The following ZMYND8 variants were observed in gnomAD, a reference collection of about 807,000 sequenced individuals.
ZMYND8 encodes zinc finger MYND-type containing 8.
In ZMYND8, 37 loss-of-function variants were observed where a neutral mutation model predicts 140.8. The observed-to-expected ratio is 0.26, with a 90% CI of 0.20 to 0.35. The LOEUF (loss-of-function observed/expected upper bound fraction) is 0.35, where lower values mean the gene tolerates loss of function less well. Ranked by LOEUF, ZMYND8 falls within the 10% of genes least tolerant of loss-of-function variation. The pLI, the probability that ZMYND8 is intolerant of heterozygous loss-of-function variation, is 1.00. For missense variants in ZMYND8, 1,068 were observed against 1,570.0 expected (o/e 0.68, Z 5.40); for synonymous variants, 592 against 597.1 (o/e 0.99, Z 0.12).
intron 2 of ZMYND8, among the ~76,000 whole-genome samples, chr20:47,334,643 T>C (rs925370682): frequency 6.6e-6 from 1 of 150,990 alleles, no homozygotes; most frequent in African/African-American, 2.4e-5. Flanking sequence ...GCAGTCTTGC[T>C]CTGTCACCCG....
intron 2 of ZMYND8, among the ~76,000 whole-genome samples, chr20:47,311,001 C>G (rs1353617723): frequency 1.3e-5 from 2 of 152,142 alleles, no homozygotes; most frequent in African/African-American, 4.8e-5. Context: ...CTTGTCCATG[C>G]CCATGCCTGA....
At chr20:47,260,659 C>A (rs540758519) in intron 12 of ZMYND8, among the ~76,000 whole-genome samples, 8 of 152,334 alleles carry the variant, frequency 5.3e-5, no homozygotes, top group African/African-American at 1.9e-4. Context: ...ACATCTGCTT[C>A]GCAACTTGCC....
chr20:47,301,917 G>A (rs1201120361), intron 3 of ZMYND8, among the ~76,000 whole-genome samples: 1 of 152,058 alleles, frequency 6.6e-6, no homozygotes, highest in Non-Finnish European at 1.5e-5. Context: ...TGATGTTCTG[G>A]TGATAGTAAG....
At chr20:47,331,036 G>C (rs2080894650) in intron 2 of ZMYND8, among the ~76,000 whole-genome samples, 1 of 152,194 alleles carries the variant, frequency 6.6e-6, no homozygotes, top group Admixed American at 6.5e-5. Context: ...AGTCAGTGTG[G>C]CTGGAGAAGA....
At chr20:47,333,122 G>C (rs1337205991) in intron 2 of ZMYND8, among the ~76,000 whole-genome samples, 1 of 152,036 alleles carries the variant, frequency 6.6e-6, no homozygotes, top group Non-Finnish European at 1.5e-5. Flanking sequence ...TAAGGCCAGA[G>C]GATCACTTGA....
intron 11 of ZMYND8, among the ~76,000 whole-genome samples, chr20:47,268,384 C>T (rs1446753982): frequency 6.6e-6 from 1 of 151,102 alleles, no homozygotes; most frequent in Non-Finnish European, 1.5e-5. Flanking sequence ...GGCTCCGCCT[C>T]CCGGGTTCAC....
chr20:47,298,144 T>C lies in ZMYND8; in HGVS notation c.453+585A>G, dbSNP rs372544008. On this transcript the variant is annotated intron_variant, in intron 4 of 22. Transcript: ENST00000471951. This position sits in a 1 kb window ranked among gnomAD's most constrained non-coding sequence, Gnocchi z 5.0. ...AGCACTTTTCTTTTAATTCATTATA[T>C]GGAACTTTATTTATTTTGGTTTTTG... is the stretch of plus-strand genomic sequence containing the variant. 56 of 479,548 alleles carry C rather than the reference T, an allele frequency of 1.2e-4. No homozygotes were observed. The highest frequency in any genetic ancestry group is 1.1e-3 in the African/African-American group (54 of 47,522). The allele number at this position is 479,548 out of a possible 1,614,324, so 29.7% of individuals were successfully genotyped here. A position where few individuals can be genotyped will look rare whatever the true frequency, so the allele number is the denominator to read the frequency against.
chr20:47,333,047 A>T (rs2081078354), intron 2 of ZMYND8, among the ~76,000 whole-genome samples: 1 of 152,180 alleles, frequency 6.6e-6, no homozygotes, highest in Non-Finnish European at 1.5e-5. Flanking sequence ...AAATGTAAGT[A>T]CCAGAAGTCA....
chr20:47,312,749 C>T lies in ZMYND8; in HGVS notation c.86-2545G>A, dbSNP rs138682049. Among the ~76,000 whole-genome samples the T allele has an allele frequency of 1.6e-3, 242 of 150,800 alleles. 2 individuals are homozygous for T. The highest frequency in any genetic ancestry group is 5.6e-3 in the African/African-American group (228 of 40,970). ...AGGTTGCTGTGAGCCGAGATCACAC[C>T]GCTGCACTCCAGTCTGGGCGACAGA... On this transcript the variant is annotated intron_variant, in intron 2 of 22. Coordinates refer to ENST00000471951, the MANE Select transcript of ZMYND8 (RefSeq NM_001281775.3).
At chr20:47,310,335 G>A in intron 2 of ZMYND8, 131 bp from the exon 3 acceptor site, 2 of 1,055,568 alleles carry the variant, frequency 1.9e-6, no homozygotes, top group South Asian at 1.8e-5. Flanking sequence ...CCACTTCAGT[G>A]TTCCTCCTCC....
chr20:47,345,506 CTT>C (rs528404084), intron 2 of ZMYND8, among the ~76,000 whole-genome samples: 24 of 137,398 alleles, frequency 1.7e-4, no homozygotes, highest in Middle Eastern at 3.8e-3. Context: ...ACCTGACCCA[CTT>C]TTTTTTTTTT....
rs772611650 is a variant in ZMYND8 at position 47,212,687 on chromosome 20, T to C, written c.3523A>G (p.Thr1175Ala). Residue 1175 changes from threonine (T) to alanine (A), a missense_variant, in exon 22 of 23, where the codon ACC (threonine) becomes GCC (alanine). Physicochemically the swap from Thr to Ala is moderately conservative, Grantham distance 58. This residue lies in a region of ZMYND8 where 180 missense variants were observed against 187.8 expected (regional missense o/e 0.96). Coordinates refer to ENST00000471951, the MANE Select transcript of ZMYND8 (RefSeq NM_001281775.3). The stretch of plus-strand genomic sequence containing the variant: ...GGGTGCGGCTGGTGGTCTGTGGTGG[T>C]TGGGGCATAGGCAGGTTGCTTGTCA... ...RCDKQPAYAP[T>A]TTDHQPHPNY... 3.1e-6 allele frequency: 5 copies of C among 1,613,608 alleles called. No individual in the cohort carries two copies. The Admixed American group carries it at 6.7e-5, about 22-fold the overall frequency.
At chr20:47,280,883 C>T (rs568128119) in intron 10 of ZMYND8, among the ~76,000 whole-genome samples, 1 of 152,186 alleles carries the variant, frequency 6.6e-6, no homozygotes, top group Non-Finnish European at 1.5e-5. Context: ...CCCTCTCAGC[C>T]TCAGCCCTTC....
chr20:47,260,549 C>A (rs1018770621), intron 12 of ZMYND8, among the ~76,000 whole-genome samples: 1 of 152,168 alleles, frequency 6.6e-6, no homozygotes, highest in Non-Finnish European at 1.5e-5. Flanking sequence ...CTTTTTCCTC[C>A]TGACACTGGC....
chr20:47,258,692 T>C (rs1424223874), intron 12 of ZMYND8, among the ~76,000 whole-genome samples: 3 of 152,196 alleles, frequency 2.0e-5, no homozygotes, highest in Non-Finnish European at 4.4e-5. Flanking sequence ...TCCCTTTCAT[T>C]GTCCCTGTCT....
chr20:47,218,889 C>A (rs1174785440), intron 21 of ZMYND8, among the ~76,000 whole-genome samples: 1 of 152,034 alleles, frequency 6.6e-6, no homozygotes, highest in African/African-American at 2.4e-5. Context: ...TTCCTCCATG[C>A]ACTCAATATG....
At chr20:47,236,639 G>T in intron 15 of ZMYND8, 123 bp from the exon 16 acceptor site, 1 of 1,065,544 alleles carries the variant, frequency 9.4e-7, no homozygotes, top group South Asian at 1.8e-5. Context: ...AAATGACAAA[G>T]ATGCTCCCCT....
In ZMYND8 at chr20:47,348,053, G is replaced by A. The variant is rs571212802; in HGVS notation, c.15-127C>T. ...TCCCTCATCCTTATCCAGGGCTGGGGGAGGAAACCCACACCTGATTTCAAC... is the reference window on the plus strand; with the variant it reads ...TCCCTCATCCTTATCCAGGGCTGGGAGAGGAAACCCACACCTGATTTCAAC... On this transcript the variant is annotated intron_variant, in intron 1 of 22. Coordinates refer to ENST00000471951, the MANE Select transcript of ZMYND8 (RefSeq NM_001281775.3). 174 of 894,914 alleles carry A rather than the reference G, an allele frequency of 1.9e-4. No individual in the cohort carries two copies. In the African/African-American group the frequency reaches 2.0e-3, roughly 10 times the overall value. 55.4% of individuals were successfully genotyped at this position (894,914 alleles called of 1,614,324 possible). A position where few individuals can be genotyped will look rare whatever the true frequency, so the allele number is the denominator to read the frequency against.
intron 18 of ZMYND8, among the ~76,000 whole-genome samples, 171 bp from the exon 19 acceptor site, chr20:47,224,727 A>G (rs1252624990): frequency 6.6e-6 from 1 of 152,202 alleles, no homozygotes; most frequent in Non-Finnish European, 1.5e-5. Context: ...TAAATAGGGC[A>G]TTCATCATGG....
Sources: gnomAD v4.1 joint callset for allele counts (sites outside exome capture counted in the v4.1 genomes callset) on GRCh38, gnomAD v4.1.1 for gene constraint, gnomAD v4.1.1 regional missense constraint, Gnocchi (gnomAD v3.1) non-coding constraint, MANE v1.5 for transcripts, NCBI Gene and HGNC (gene_info 2026-07-23, HGNC 2026-07-21) for gene names.